Variants in BACH2 observed in about 807,000 individuals in gnomAD.
The protein encoded by BACH2 is BACH transcriptional regulator 2, also known as transcription regulator protein BACH2.
In BACH2, 5 loss-of-function variants were observed where a neutral mutation model predicts 61.8. That is an observed-to-expected ratio of 0.08 (90% confidence interval 0.04 to 0.17). BACH2 has a LOEUF of 0.17. BACH2 is among the 10% of genes least tolerant of loss of function. The probability of loss-of-function intolerance (pLI) is 1.00; values close to 1 mark genes in which losing one functional copy is unlikely to be tolerated. For missense variants in BACH2, 824 were observed against 1,091.1 expected (o/e 0.76, Z 3.45); for synonymous variants, 446 against 440.1 (o/e 1.01, Z -0.17).
At chr6:90,122,697 A>C (rs1398223711) in intron 4 of BACH2, among the ~76,000 whole-genome samples, 1 of 152,192 alleles carries the variant, frequency 6.6e-6, no homozygotes, top group Non-Finnish European at 1.5e-5. Context: ...AGAAGTGTGA[A>C]TGTGTTCAGA....
intron 5 of BACH2, among the ~76,000 whole-genome samples, chr6:90,045,016 G>A (rs891555363): frequency 4.6e-5 from 7 of 152,176 alleles, no homozygotes; most frequent in Non-Finnish European, 7.3e-5. Flanking sequence ...GACTGGATGA[G>A]ATCACCAGGG....
intron 5 of BACH2, among the ~76,000 whole-genome samples, chr6:90,056,756 A>G (rs1275101810): frequency 1.7e-4 from 26 of 152,358 alleles, no homozygotes; most frequent in East Asian, 9.6e-4. Flanking sequence ...GAAGAACAGA[A>G]ATTATAACAA....
At chr6:90,049,797 A>G (rs1582265855) in intron 5 of BACH2, among the ~76,000 whole-genome samples, 2 of 152,348 alleles carry the variant, frequency 1.3e-5, no homozygotes, top group East Asian at 3.9e-4. Flanking sequence ...ATGTGCTCAT[A>G]AAGTACTTTT....
intron 4 of BACH2, among the ~76,000 whole-genome samples, chr6:90,134,643 C>T (rs1784212772): frequency 6.6e-6 from 1 of 152,200 alleles, no homozygotes; most frequent in African/African-American, 2.4e-5. Flanking sequence ...TGACCATCTC[C>T]AGAATGGCAG....
intron 5 of BACH2, among the ~76,000 whole-genome samples, chr6:90,085,580 T>A (rs1781900317): frequency 6.6e-6 from 1 of 152,224 alleles, no homozygotes; most frequent in African/African-American, 2.4e-5. Context: ...CTTGATGGCT[T>A]CTGACAACTG....
At chr6:90,175,580 G>C (rs374818912) in intron 4 of BACH2, among the ~76,000 whole-genome samples, 2 of 151,996 alleles carry the variant, frequency 1.3e-5, no homozygotes, top group Non-Finnish European at 2.9e-5. Context: ...GTGTTGGGGC[G>C]GTGGGGGGTG....
At chr6:89,954,307 T>TTA (rs1554219899) in intron 6 of BACH2, among the ~76,000 whole-genome samples, 7 of 151,818 alleles carry the variant, frequency 4.6e-5, no homozygotes, top group Admixed American at 1.3e-4. Flanking sequence ...TCTTTTTTTT[T>TTA]TTATTATTAT....
rs79512767 is a variant in BACH2 at position 90,277,419 on chromosome 6, T to C, written c.-445-5478A>G. Reference sequence around the variant, plus strand: ...AGTACATTCTGTATCTCCATTGATATAAAGTTCAAAAACAGGCAAAGCAAA... The same window carrying C: ...AGTACATTCTGTATCTCCATTGATACAAAGTTCAAAAACAGGCAAAGCAAA... On this transcript the variant is annotated intron_variant, in intron 1 of 8. Coordinates refer to ENST00000257749, the MANE Select transcript of BACH2 (RefSeq NM_021813.4). 3.6e-3 allele frequency among the ~76,000 whole-genome samples: 555 copies of C among 152,266 alleles called. 2 individuals are homozygous for C. The highest frequency in any genetic ancestry group is 0.013 in the African/African-American group (523 of 41,562).
At chr6:90,122,697 A>AT (rs1783681198) in intron 4 of BACH2, among the ~76,000 whole-genome samples, 1 of 152,192 alleles carries the variant, frequency 6.6e-6, no homozygotes, top group Non-Finnish European at 1.5e-5. Flanking sequence ...AGAAGTGTGA[A>AT]TGTGTTCAGA....
At chr6:90,002,665 G>A (rs568937870) in intron 6 of BACH2, among the ~76,000 whole-genome samples, 8 of 152,340 alleles carry the variant, frequency 5.3e-5, no homozygotes, top group Admixed American at 1.3e-4. Context: ...AGCTACTTGG[G>A]AGGCTGAGGC....
At chr6:90,187,060 C>A (rs950553334) in intron 4 of BACH2, among the ~76,000 whole-genome samples, 1 of 152,056 alleles carries the variant, frequency 6.6e-6, no homozygotes, top group Non-Finnish European at 1.5e-5. Context: ...AGAAGGATGC[C>A]CTATAAAAAA....
intron 5 of BACH2, among the ~76,000 whole-genome samples, chr6:90,042,557 T>A (rs1377787536): frequency 6.6e-6 from 1 of 152,080 alleles, no homozygotes; most frequent in Admixed American, 6.6e-5. Flanking sequence ...AGGCACAGTG[T>A]GGGCTACTGT....
chr6:89,990,251 G>A (rs1275838961), intron 6 of BACH2, among the ~76,000 whole-genome samples: 1 of 152,122 alleles, frequency 6.6e-6, no homozygotes, highest in East Asian at 1.9e-4. Flanking sequence ...CATTTTCATT[G>A]GAGCTGATTG....
At chr6:90,239,798 T>TACACAC (rs59169449) in intron 3 of BACH2, among the ~76,000 whole-genome samples, 2,066 of 132,228 alleles carry the variant, frequency 0.016, 35 homozygotes, top group African/African-American at 0.044. Context: ...GGGGGGGGAA[T>TACACAC]ACACACACAC....
At chr6:89,985,060 A>G (rs1776162432) in intron 6 of BACH2, among the ~76,000 whole-genome samples, 2 of 152,090 alleles carry the variant, frequency 1.3e-5, no homozygotes, top group Admixed American at 6.6e-5. Flanking sequence ...CAGGGATAGG[A>G]CTGTGAGTTA....
rs533851269 is a variant in BACH2 at position 90,019,658 on chromosome 6, G to A, written c.-12-10802C>T. 8.5e-5 allele frequency among the ~76,000 whole-genome samples: 13 copies of A among 152,292 alleles called. No homozygotes were observed. In the South Asian group the frequency reaches 2.1e-3, roughly 24 times the overall value. The stretch of plus-strand genomic sequence containing the variant: ...GACCTTCTAAAGACCATTTTGTGCC[G>A]TTATATTGTTGTTGATGTTGCATGG... On this transcript the variant is annotated intron_variant, in intron 5 of 8. Coordinates refer to ENST00000257749, the MANE Select transcript of BACH2 (RefSeq NM_021813.4).
intron 3 of BACH2, among the ~76,000 whole-genome samples, chr6:90,220,461 G>A (rs1439074546): frequency 1.3e-5 from 2 of 152,218 alleles, no homozygotes; most frequent in African/African-American, 4.8e-5. Context: ...GAGCTACAGA[G>A]GATTTGTCAG....
At chr6:90,144,710 C>G (rs1286632848) in intron 4 of BACH2, among the ~76,000 whole-genome samples, 5 of 152,168 alleles carry the variant, frequency 3.3e-5, no homozygotes, top group Non-Finnish European at 5.9e-5. Context: ...ATTCTAGAAG[C>G]AAACATAAAT....
chr6:90,087,303 C>A (rs1045714040), intron 5 of BACH2, among the ~76,000 whole-genome samples: 2 of 152,160 alleles, frequency 1.3e-5, no homozygotes, highest in Non-Finnish European at 2.9e-5. Flanking sequence ...AATCACAGTG[C>A]TTATCCACAG....
Sources: allele counts gnomAD v4.1 joint callset (sites outside exome capture counted in the v4.1 genomes callset), GRCh38; gene constraint gnomAD v4.1.1; transcripts MANE v1.5; gene names NCBI Gene and HGNC (gene_info 2026-07-23, HGNC 2026-07-21).